The following KLHL12 variants were observed in gnomAD, a reference collection of about 807,000 sequenced individuals.
The protein encoded by KLHL12 is kelch-like protein 12.
In KLHL12, 17 loss-of-function variants were observed where a neutral mutation model predicts 60.8. The ratio of observed to expected loss-of-function variants is 0.28; its 90% CI spans 0.19 to 0.42. The LOEUF (loss-of-function observed/expected upper bound fraction) is 0.42. Ranked by LOEUF, KLHL12 falls within the 10% of genes least tolerant of loss-of-function variation. KLHL12 has a pLI of 1.00. For synonymous variants in KLHL12, 220 were observed against 250.9 expected (o/e 0.88, Z 1.16); for missense variants, 468 against 722.3 (o/e 0.65, Z 4.04).
In KLHL12 at chr1:202,892,386, G is replaced by T; in HGVS notation, c.*147C>A. 1.2e-6 allele frequency: 1 copy of T among 800,374 alleles called. No homozygotes were observed. Among genetic ancestry groups the T allele is most frequent in the Non-Finnish European group, 1.9e-6 (1 of 528,022 alleles). 49.6% of individuals were successfully genotyped at this position (800,374 alleles called of 1,614,324 possible). On this transcript the variant is annotated 3_prime_UTR_variant, in exon 12 of 12. Coordinates refer to ENST00000367261, the MANE Select transcript of KLHL12 (RefSeq NM_021633.4). ...AGAACCAGGACGACGGGGAGTATGT[G>T]TCAAATAAGTACAATCATCACTGCA...
intron 6 of KLHL12, among the ~76,000 whole-genome samples, chr1:202,903,100 C>T (rs1257221959): frequency 7.5e-6 from 1 of 133,456 alleles, no homozygotes; most frequent in African/African-American, 2.9e-5. Flanking sequence ...AGTGAAGTTT[C>T]AGTGAACCAA....
intron 4 of KLHL12, among the ~76,000 whole-genome samples, chr1:202,917,516 T>G (rs1486589607): frequency 6.6e-6 from 1 of 152,230 alleles, no homozygotes; most frequent in African/African-American, 2.4e-5. Context: ...GGCCTACTAT[T>G]CCTTTAACAT....
rs778072680 is a variant in KLHL12, at chr1:202,909,149, T to C, written c.718-25A>G. On this transcript the variant is annotated intron_variant, in intron 5 of 11. Transcript: ENST00000367261. The surrounding 1 kb of genome is among the most constrained non-coding windows in gnomAD (Gnocchi z 4.1). Reference sequence around the variant, plus strand: ...GCTGAAATATAGCAGACAGCAGAGTTAGGCACTGGGGATACCTGTAATACT... The same window carrying C: ...GCTGAAATATAGCAGACAGCAGAGTCAGGCACTGGGGATACCTGTAATACT... 6 of 1,425,212 alleles carry C rather than the reference T, an allele frequency of 4.2e-6. No homozygotes were observed. Among genetic ancestry groups the C allele is most frequent in the Non-Finnish European group, 5.0e-6 (5 of 1,008,204 alleles). The allele number at this position is 1,425,212 out of a possible 1,614,324, so 88.3% of individuals were successfully genotyped here.
chr1:202,908,060 G>A (rs1660249256), intron 6 of KLHL12, among the ~76,000 whole-genome samples: 1 of 152,138 alleles, frequency 6.6e-6, no homozygotes, highest in South Asian at 2.1e-4. Flanking sequence ...CATACATATA[G>A]AGTAATTCAT....
intron 6 of KLHL12, among the ~76,000 whole-genome samples, chr1:202,907,848 C>T (rs1241657052): frequency 6.6e-6 from 1 of 151,492 alleles, no homozygotes; most frequent in Non-Finnish European, 1.5e-5. Flanking sequence ...GCTAAGGCTG[C>T]AGTGAACCGA....
chr1:202,909,188 G>A lies in KLHL12; in HGVS notation c.718-64C>T. ...ACCTGTAATACTATAAGAGTACAAA[G>A]AGCACATGCAAATAATTAACTTCTG... On this transcript the variant is annotated intron_variant, in intron 5 of 11. Coordinates refer to ENST00000367261, the MANE Select transcript of KLHL12 (RefSeq NM_021633.4). This position sits in a 1 kb window ranked among gnomAD's most constrained non-coding sequence, Gnocchi z 4.1. The A allele has an allele frequency of 3.0e-6, 3 of 1,004,668 alleles. No individual in the cohort carries two copies. Among genetic ancestry groups the A allele is most frequent in the Non-Finnish European group, 4.6e-6 (3 of 650,558 alleles). 62.2% of individuals were successfully genotyped at this position (1,004,668 alleles called of 1,614,324 possible).
intron 4 of KLHL12, among the ~76,000 whole-genome samples, chr1:202,915,316 T>C (rs374702624): frequency 4.6e-5 from 7 of 152,228 alleles, no homozygotes; most frequent in Non-Finnish European, 5.9e-5. Context: ...CTGCTTCCCA[T>C]TGTTTTAAGT....
intron 4 of KLHL12, among the ~76,000 whole-genome samples, chr1:202,911,555 T>A (rs1660360598): frequency 6.6e-6 from 1 of 152,104 alleles, no homozygotes; most frequent in African/African-American, 2.4e-5. Context: ...CCTGAATTGC[T>A]TCTGGTCTTC....
In KLHL12 at chr1:202,894,207, G is replaced by A. The variant is rs749832286; in HGVS notation, c.1370C>T (p.Thr457Ile). The change falls in exon 10 of 12, where the codon ACA (threonine) becomes ATA (isoleucine). Residue 457 changes from threonine to isoleucine, a missense_variant. Thr to Ile is a moderately conservative substitution (Grantham distance 89, BLOSUM62 -1). Coordinates refer to ENST00000367261, the MANE Select transcript of KLHL12 (RefSeq NM_021633.4). ...ACCAGAACGCTTGGTGGCCATTGGT[G>A]TAACATTAGTCCAATGTCCTGTATG... The part of the protein sequence containing the change: ...DPHTGHWTNV[T>I]PMATKRSGAG... 6 of 1,554,766 alleles carry A rather than the reference G, an allele frequency of 3.9e-6. No individual in the cohort carries two copies. The highest frequency in any genetic ancestry group is 1.7e-4 in the Middle Eastern group (1 of 5,990).
At chr1:202,898,795 G>A (rs983514806) in intron 6 of KLHL12, among the ~76,000 whole-genome samples, 6 of 151,956 alleles carry the variant, frequency 3.9e-5, no homozygotes, top group African/African-American at 1.5e-4. Flanking sequence ...CACGAGCAAC[G>A]TGTGGACTTT....
intron 6 of KLHL12, among the ~76,000 whole-genome samples, chr1:202,907,079 A>G (rs1660216671): frequency 6.6e-6 from 1 of 152,156 alleles, no homozygotes; most frequent in Non-Finnish European, 1.5e-5. Flanking sequence ...CCTTCAATCT[A>G]TCTTGTGTTG....
In KLHL12 at chr1:202,895,307, C is replaced by T. The variant is rs993187067; in HGVS notation, c.1135+215G>A. On this transcript the variant is annotated intron_variant, in intron 8 of 11. Transcript: ENST00000367261. The surrounding 1 kb of genome is among the most constrained non-coding windows in gnomAD (Gnocchi z 4.2). ...ACTCAGGAAGCTGAGGTGGGAGGAT[C>T]GCTTGAGCTTGGGGAGGTTGAGGCT... Among the ~76,000 whole-genome samples, 11 of 152,102 alleles carry T rather than the reference C, an allele frequency of 7.2e-5. No homozygotes were observed. The highest frequency in any genetic ancestry group is 2.4e-4 in the African/African-American group (10 of 41,416).
Position 202,909,251 on chromosome 1 carries a change from G to A in KLHL12, c.718-127C>T. ...CAGTTTGCAAAGCCCTGTGATTCCA[G>A]GAGTATTGCTGGTAGTAACCATGCT... On this transcript the variant is annotated intron_variant, in intron 5 of 11. Transcript: ENST00000367261. This position sits in a 1 kb window ranked among gnomAD's most constrained non-coding sequence, Gnocchi z 4.1. 1.7e-6 allele frequency: 1 copy of A among 581,142 alleles called. No individual in the cohort carries two copies. 36.0% of individuals were successfully genotyped at this position (581,142 alleles called of 1,614,324 possible). A position where few individuals can be genotyped will look rare whatever the true frequency, so the allele number is the denominator to read the frequency against.
At chr1:202,914,864 T>TA (rs547996937) in intron 4 of KLHL12, 1,197 of 109,840 alleles carry the variant, frequency 0.011, 10 homozygotes, top group Middle Eastern at 0.049. Flanking sequence ...AAACTCCGTC[T>TA]AAAAAAAAAA....
At chr1:202,922,612 G>T (rs865993148) in intron 2 of KLHL12, among the ~76,000 whole-genome samples, 2 of 150,672 alleles carry the variant, frequency 1.3e-5, no homozygotes, top group Admixed American at 6.6e-5. Context: ...TCAGCCTCCC[G>T]AGTGGCTGGG....
intron 4 of KLHL12, among the ~76,000 whole-genome samples, chr1:202,915,486 C>T (rs1389853029): frequency 6.6e-6 from 1 of 152,106 alleles, no homozygotes; most frequent in Non-Finnish European, 1.5e-5. Context: ...AAAAAAACTA[C>T]ACATAAGAGT....
chr1:202,912,592 C>T (rs1660398508), intron 4 of KLHL12: 2 of 1,292,440 alleles, frequency 1.5e-6, no homozygotes, highest in South Asian at 1.2e-5. Context: ...ATTTTGGACC[C>T]ATGAAGGGAG....
intron 2 of KLHL12, among the ~76,000 whole-genome samples, chr1:202,921,585 T>C (rs2102457094): frequency 6.6e-6 from 1 of 152,364 alleles, no homozygotes; most frequent in South Asian, 2.1e-4. Flanking sequence ...TTTCAAAATA[T>C]TGGGTTAGAC....
upstream of KLHL12, chr1:202,927,343 A>G (rs1281222120): frequency 1.1e-6 from 1 of 900,314 alleles, no homozygotes; most frequent in Non-Finnish European, 1.3e-6. Flanking sequence ...ACCTGTCTGT[A>G]CCCTAGCGCG....
Sources: allele counts gnomAD v4.1 joint callset (sites outside exome capture counted in the v4.1 genomes callset), GRCh38; gene constraint gnomAD v4.1.1; non-coding constraint Gnocchi (gnomAD v3.1); transcripts MANE v1.5; gene names NCBI Gene and HGNC (gene_info 2026-07-23, HGNC 2026-07-21).